COL6A1: variants seen among roughly 807,000 people sequenced by gnomAD.
COL6A1 encodes the protein collagen type VI alpha 1 chain.
In COL6A1, 80 loss-of-function variants were observed where a neutral mutation model predicts 145.6. That is an observed-to-expected ratio of 0.55 (90% CI 0.46 to 0.66). COL6A1 has a LOEUF of 0.66. COL6A1 is among the 30% of genes least tolerant of loss of function. COL6A1 has a pLI of 0.00. For synonymous variants in COL6A1, 638 were observed against 622.8 expected (o/e 1.02, Z -0.36); for missense variants, 1,364 against 1,473.8 (o/e 0.93, Z 1.22).
At chr21:45,996,054 G>T (rs2077803104) in intron 20 of COL6A1, among the ~76,000 whole-genome samples, 1 of 152,218 alleles carries the variant, frequency 6.6e-6, no homozygotes, top group Admixed American at 6.5e-5. Context: ...CCTCAGGGCT[G>T]GTCCCAGGAG....
chr21:45,986,588 G>T lies in COL6A1; in HGVS notation c.491G>T (p.Gly164Val). The T allele has an allele frequency of 6.4e-7, 1 of 1,563,640 alleles. No individual in the cohort carries two copies. The highest frequency in any genetic ancestry group is 8.7e-7 in the Non-Finnish European group (1 of 1,154,182). Residue 164 changes from glycine to valine, a missense_variant, in exon 4 of 35, where the codon GGC becomes GTC. This residue lies in a region of COL6A1 where 414 missense variants were observed against 437.6 expected (regional missense o/e 0.95). Transcript: ENST00000361866. ...GTGACCGACGGGCACCCCCTGGAGG[G>T]CTACAAGGAACCCTGTGGGGGGCTG... ...IVVTDGHPLEGYKEPCGGLED... is the reference protein window; with the variant it reads ...IVVTDGHPLEVYKEPCGGLED...
chr21:46,004,595 T>C lies in COL6A1; in HGVS notation c.*582T>C. The C allele has an allele frequency of 2.7e-6, 1 of 375,452 alleles. No homozygotes were observed. Among genetic ancestry groups the C allele is most frequent in the South Asian group, 1.9e-5 (1 of 52,320 alleles). 23.3% of individuals were successfully genotyped at this position (375,452 alleles called of 1,614,324 possible). On this transcript the variant is annotated 3_prime_UTR_variant, in exon 35 of 35. Transcript: ENST00000361866. ...CCTCAGCTTGGGGCAGCCATTGGCC[T>C]CTGTCTCGTTTTGGGAAACCAAGGT...
In COL6A1 at chr21:45,989,766, C is replaced by A. The variant is rs756837773; in HGVS notation, c.918C>A (p.Ser306Arg). The A allele has an allele frequency of 4.3e-6, 7 of 1,612,812 alleles. No homozygotes were observed. Among genetic ancestry groups the A allele is most frequent in the African/African-American group, 2.7e-5 (2 of 74,908 alleles). ...TGGGTGTGTAGGGAGAAAAAGGGAG[C>A]CGTGGGGAGAAGGTGAGTGAGGCTC... The part of the protein sequence containing the change: ...GYQGMKGEKG[S>R]RGEKGSRGPK... The change falls in exon 11 of 35, where the codon AGC (serine) becomes AGA (arginine). Residue 306 changes from serine to arginine, a missense_variant. Coordinates refer to ENST00000361866, the MANE Select transcript of COL6A1 (RefSeq NM_001848.3).
rs575844067 is a variant in COL6A1 at position 45,993,608 on chromosome 21, C to T, written c.1336-559C>T. On this transcript the variant is annotated intron_variant, in intron 19 of 34. Transcript: ENST00000361866. ...CAGAGAGCTGAGCCGGGGCCAGAGT[C>T]GCCGCCACCGAGGGATTTGGCTCCC... is the stretch of plus-strand genomic sequence containing the variant. Among the ~76,000 whole-genome samples, 16 of 152,190 alleles carry T rather than the reference C, an allele frequency of 1.1e-4. No individual in the cohort carries two copies. In the South Asian group the frequency reaches 2.3e-3, roughly 22 times the overall value.
chr21:45,983,177 G>A (rs1458725689), intron 2 of COL6A1, among the ~76,000 whole-genome samples: 1 of 152,218 alleles, frequency 6.6e-6, no homozygotes, highest in East Asian at 1.9e-4. Flanking sequence ...TTTGTTCCGT[G>A]GGCAGTGAGA....
intron 3 of COL6A1, among the ~76,000 whole-genome samples, chr21:45,985,893 G>T (rs1442359308): frequency 6.6e-6 from 1 of 152,216 alleles, no homozygotes; most frequent in East Asian, 1.9e-4. Flanking sequence ...TGCAGGGGGT[G>T]CATGGGGGAT....
chr21:45,984,507 A>C, intron 3 of COL6A1, 38 bp downstream of exon 3: 1 of 1,590,174 alleles, frequency 6.3e-7, no homozygotes, highest in Non-Finnish European at 8.6e-7. Context: ...GCCAGTTCTC[A>C]CGCGTGGTAC....
rs775569169 is a variant in COL6A1 at position 46,003,710 on chromosome 21, C to T, written c.2784C>T (p.Arg928=). The T allele has an allele frequency of 1.4e-5, 22 of 1,612,910 alleles. No homozygotes were observed. The Admixed American group carries it at 2.0e-4, about 15-fold the overall frequency. ...DALGYVTRFY[R]EASSGAAKKR... is the part of the protein sequence containing the mutation. ...TGGGCTATGTGACCCGCTTCTACCG[C>T]GAGGCCTCGTCCGGCGCTGCCAAGA... Residue 928 remains arginine (R), a synonymous_variant, in exon 35 of 35, where the codon CGC becomes CGT. Transcript: ENST00000361866.
chr21:46,001,855 G>T, intron 30 of COL6A1, 106 bp from the exon 31 acceptor site: 1 of 949,440 alleles, frequency 1.1e-6, no homozygotes, highest in Non-Finnish European at 1.6e-6. Flanking sequence ...GAGGTCCTGG[G>T]GGCCATGCCA....
rs376726434 is a variant in COL6A1, at chr21:45,999,236, G to C, written c.1740+18G>C. 2 of 1,582,630 alleles carry C rather than the reference G, an allele frequency of 1.3e-6. No homozygotes were observed. Among genetic ancestry groups the C allele is most frequent in the Non-Finnish European group, 1.7e-6 (2 of 1,164,876 alleles). On this transcript the variant is annotated intron_variant, in intron 26 of 34. Transcript: ENST00000361866. ...GCCCCCAGGTGGGTGGATGTGGCTG[G>C]GTGAGGCCACGGTGGGCTGTGCCTG...
chr21:45,995,708 T>C (rs1157999542), intron 20 of COL6A1, among the ~76,000 whole-genome samples: 1 of 152,126 alleles, frequency 6.6e-6, no homozygotes, highest in African/African-American at 2.4e-5. Flanking sequence ...GTGGGTCCCA[T>C]GCCTGGGGGT....
rs1002951946 is a variant in COL6A1 at position 46,002,267 on chromosome 21, G to T, written c.2116G>T (p.Ala706Ser). ...WMAGGTFTGE[A>S]LQYTRDQLLP... ...GGCGGGCGGCACCTTCACGGGGGAGGCCCTGCAGTACACGCGGGACCAGCT... is the reference window on the plus strand; with the variant it reads ...GGCGGGCGGCACCTTCACGGGGGAGTCCCTGCAGTACACGCGGGACCAGCT... The change falls in exon 32 of 35, where the codon GCC becomes TCC. Residue 706 changes from alanine (A) to serine (S), a missense_variant. By Grantham distance (99) the Ala-to-Ser change is moderately conservative (BLOSUM62 1). Coordinates refer to ENST00000361866, the MANE Select transcript of COL6A1 (RefSeq NM_001848.3). 1.9e-6 allele frequency: 3 copies of T among 1,601,726 alleles called. No homozygotes were observed. The highest frequency in any genetic ancestry group is 2.5e-6 in the Non-Finnish European group (3 of 1,176,914).
chr21:45,981,871 G>C lies in COL6A1; in HGVS notation c.21G>C (p.Leu7=), dbSNP rs1203181762. 11 of 1,596,350 alleles carry C rather than the reference G, an allele frequency of 6.9e-6. No homozygotes were observed. Among genetic ancestry groups the C allele is most frequent in the Non-Finnish European group, 9.4e-6 (11 of 1,173,748 alleles). The change falls in exon 1 of 35, where the codon CTG becomes CTC. Residue 7 remains leucine, a synonymous_variant. Coordinates refer to ENST00000361866, the MANE Select transcript of COL6A1 (RefSeq NM_001848.3). ...CAGACATGAGGGCGGCCCGTGCTCTGCTGCCCCTGCTGCTGCAGGCCTGCT... is the reference window on the plus strand; with the variant it reads ...CAGACATGAGGGCGGCCCGTGCTCTCCTGCCCCTGCTGCTGCAGGCCTGCT... The part of the protein sequence containing the change: MRAARA[L]LPLLLQACWT...
chr21:46,001,356 C>T lies in COL6A1; in HGVS notation c.1926C>T (p.Ile642=), dbSNP rs774697278. 11 of 1,612,320 alleles carry T rather than the reference C, an allele frequency of 6.8e-6. No individual in the cohort carries two copies. The highest frequency in any genetic ancestry group is 2.2e-5 in the East Asian group (1 of 44,882). The part of the protein sequence containing the change: ...EIAKDFVVKV[I]DRLSRDELVK... Reference sequence around the variant, plus strand: ...CCAAGGACTTCGTCGTCAAGGTCATCGACCGGCTGAGCCGGGACGAGCTGG... The same window carrying T: ...CCAAGGACTTCGTCGTCAAGGTCATTGACCGGCTGAGCCGGGACGAGCTGG... The change falls in exon 30 of 35, where the codon ATC becomes ATT. Residue 642 remains isoleucine (I), a synonymous_variant. Coordinates refer to ENST00000361866, the MANE Select transcript of COL6A1 (RefSeq NM_001848.3).
rs201695574 is a variant in COL6A1 at position 45,986,931 on chromosome 21, A to G, written c.589-13A>G. On this transcript the variant is annotated splice_polypyrimidine_tract_variant and intron_variant, in intron 4 of 34. Transcript: ENST00000361866. ...CCCAGCCCTGCTCAGCCCACCCTGAACACTGCCCCCAGGAGCCGCGTCTGA... is the reference window on the plus strand; with the variant it reads ...CCCAGCCCTGCTCAGCCCACCCTGAGCACTGCCCCCAGGAGCCGCGTCTGA... 216 of 1,544,774 alleles carry G rather than the reference A, an allele frequency of 1.4e-4. No homozygotes were observed. The highest frequency in any genetic ancestry group is 1.8e-4 in the Non-Finnish European group (205 of 1,149,602).
At chr21:45,996,279 GT>G (rs2077804065) in intron 20 of COL6A1, among the ~76,000 whole-genome samples, 1 of 152,234 alleles carries the variant, frequency 6.6e-6, no homozygotes, top group Admixed American at 6.5e-5. Flanking sequence ...TGAACCCCAA[GT>G]TTGGTGAGCT....
Position 45,990,143 on chromosome 21 carries a change from T to C in COL6A1, c.931-115T>C. 2.4e-6 allele frequency: 3 copies of C among 1,261,216 alleles called. No individual in the cohort carries two copies. The East Asian group carries it at 7.0e-5, about 29-fold the overall frequency. The allele number at this position is 1,261,216 out of a possible 1,614,324, so 78.1% of individuals were successfully genotyped here. A position where few individuals can be genotyped will look rare whatever the true frequency, so the allele number is the denominator to read the frequency against. ...CAGTCCCCATGATTCTCAGCAGTGA[T>C]GTTGTCCCCTCGGGTTGGGGGCACC... On this transcript the variant is annotated intron_variant, in intron 11 of 34. Coordinates refer to ENST00000361866, the MANE Select transcript of COL6A1 (RefSeq NM_001848.3).
At chr21:45,998,049 C>A in intron 22 of COL6A1, 72 bp from the exon 23 acceptor site, 1 of 1,569,654 alleles carries the variant, frequency 6.4e-7, no homozygotes. Context: ...GAGGTGCTCC[C>A]GGGCCTGTGC....
chr21:45,987,628 G>A lies in COL6A1; in HGVS notation c.778G>A (p.Gly260Arg). The change falls in exon 8 of 35, where the codon GGG becomes AGG. Residue 260 changes from glycine to arginine, a missense_variant. Physicochemically the swap from Gly to Arg is moderately radical, Grantham distance 125 (BLOSUM62 -2). Transcript: ENST00000361866. ...CTTGCAGCCTGCAAGAGGACCTCCG[G>A]GGCTCCGGGGCGACCCCGGCTTTGA... ...FECQPARGPPGLRGDPGFEGE... is the reference protein window; with the variant it reads ...FECQPARGPPRLRGDPGFEGE... The A allele has an allele frequency of 6.2e-7, 1 of 1,611,302 alleles. No individual in the cohort carries two copies. The highest frequency in any genetic ancestry group is 8.5e-7 in the Non-Finnish European group (1 of 1,179,446).
Sources: gnomAD v4.1 joint callset for allele counts (sites outside exome capture counted in the v4.1 genomes callset) on GRCh38, gnomAD v4.1.1 for gene constraint, gnomAD v4.1.1 regional missense constraint, MANE v1.5 for transcripts, NCBI Gene and HGNC (gene_info 2026-07-23, HGNC 2026-07-21) for gene names.